The following CCDC171 variants were observed in gnomAD, a reference collection of about 807,000 sequenced individuals.
CCDC171 encodes coiled-coil domain-containing protein 171.
Under a neutral mutation model 168.2 loss-of-function variants are expected in CCDC171, and 177 were observed. That is an observed-to-expected ratio of 1.05 (90% CI 0.93 to 1.19). The LOEUF is 1.19. CCDC171 is among the 50% of genes most tolerant of loss of function. The pLI, the probability that CCDC171 is intolerant of heterozygous loss-of-function variation, is 0.00. For synonymous variants in CCDC171, 687 were observed against 540.8 expected, an observed-to-expected ratio of 1.27 and a Z score of -3.75; for missense variants, 1,991 against 1,539.0, an observed-to-expected ratio of 1.29 and a Z score of -4.91.
chr9:15,925,070 C>T lies in CCDC171; in HGVS notation c.3753+4648C>T, dbSNP rs545210398. Among the ~76,000 whole-genome samples the T allele has an allele frequency of 3.3e-5, 5 of 151,536 alleles. No homozygotes were observed. In the East Asian group the frequency reaches 5.8e-4, roughly 18 times the overall value. Reference sequence around the variant, plus strand: ...CAGTTCTGTTCTTGGAGATATCATACGAACCAAAACAGACAATCCTTGTTC... The same window carrying T: ...CAGTTCTGTTCTTGGAGATATCATATGAACCAAAACAGACAATCCTTGTTC... On this transcript the variant is annotated intron_variant, in intron 25 of 25. Coordinates refer to ENST00000380701, the MANE Select transcript of CCDC171 (RefSeq NM_173550.4).
chr9:15,896,184 C>G (rs899179402), intron 24 of CCDC171, among the ~76,000 whole-genome samples: 2 of 151,944 alleles, frequency 1.3e-5, no homozygotes, highest in Non-Finnish European at 1.5e-5. Flanking sequence ...AGCCTTGATT[C>G]AGTTCTACTT....
chr9:15,726,880 C>G (rs1050755875), intron 14 of CCDC171, among the ~76,000 whole-genome samples: 7 of 152,028 alleles, frequency 4.6e-5, no homozygotes, highest in Admixed American at 2.0e-4. Flanking sequence ...CATTTTGCAG[C>G]TTTACAATTA....
the CCDC171 span, among the ~76,000 whole-genome samples, chr9:16,070,695 G>A: frequency 2.0e-5 from 3 of 152,174 alleles, no homozygotes; most frequent in Non-Finnish European, 2.9e-5. Flanking sequence ...GCCAAGTGCC[G>A]TGGGGCCTCT....
chr9:15,666,365 T>C (rs1204140572), intron 9 of CCDC171, 42 bp downstream of exon 9: 3 of 1,383,386 alleles, frequency 2.2e-6, no homozygotes, highest in Non-Finnish European at 3.0e-6. Flanking sequence ...AACATAAAGA[T>C]TTTAAAAGAG....
At chr9:15,721,918 C>A in intron 12 of CCDC171, 43 bp downstream of exon 12, 1 of 1,049,216 alleles carries the variant, frequency 9.5e-7, no homozygotes, top group Non-Finnish European at 1.3e-6. Context: ...AGCCTTCGGC[C>A]TGTACCAGTA....
intron 18 of CCDC171, among the ~76,000 whole-genome samples, chr9:15,769,689 G>T (rs1036925485): frequency 6.6e-6 from 1 of 152,110 alleles, no homozygotes; most frequent in African/African-American, 2.4e-5. Flanking sequence ...AGTCTCCCCC[G>T]TACCAACGGA....
At chr9:16,092,539 T>G in the CCDC171 span, among the ~76,000 whole-genome samples, 1 of 152,212 alleles carries the variant, frequency 6.6e-6, no homozygotes, top group Admixed American at 6.5e-5. Flanking sequence ...TGCAGACATT[T>G]GCTAACAGAG....
intron 24 of CCDC171, among the ~76,000 whole-genome samples, chr9:15,915,275 A>G (rs1824333006): frequency 6.6e-6 from 1 of 152,116 alleles, no homozygotes; most frequent in Non-Finnish European, 1.5e-5. Flanking sequence ...ATATTTTTCC[A>G]ATTGTTTGTG....
intron 6 of CCDC171, among the ~76,000 whole-genome samples, chr9:15,606,209 A>G (rs996336709): frequency 2.0e-5 from 3 of 152,214 alleles, no homozygotes; most frequent in South Asian, 4.1e-4. Flanking sequence ...GAAAGGGAAG[A>G]TGAAACCGCA....
intron 6 of CCDC171, among the ~76,000 whole-genome samples, chr9:16,030,277 T>C (rs965966743): frequency 3.3e-5 from 5 of 152,162 alleles, no homozygotes; most frequent in African/African-American, 9.7e-5. Context: ...GCAGCAGTAG[T>C]GGTCATCATC....
the CCDC171 span, among the ~76,000 whole-genome samples, chr9:16,088,896 T>G: frequency 6.6e-6 from 1 of 152,096 alleles, no homozygotes; most frequent in Non-Finnish European, 1.5e-5. Flanking sequence ...AGAGCCCGTA[T>G]AGCCAAGACA....
At chr9:15,824,955 A>T (rs1041955421) in intron 21 of CCDC171, among the ~76,000 whole-genome samples, 1 of 152,080 alleles carries the variant, frequency 6.6e-6, no homozygotes, top group Admixed American at 6.6e-5. Context: ...GACTTGGATG[A>T]TGGTGATGCA....
At chr9:15,767,711 A>AT (rs998405993) in intron 18 of CCDC171, among the ~76,000 whole-genome samples, 1 of 151,388 alleles carries the variant, frequency 6.6e-6, no homozygotes, top group African/African-American at 2.4e-5. Context: ...CTTCTTCCAG[A>AT]TTCTTTTGAT....
chr9:15,801,948 T>C (rs1372756805), intron 21 of CCDC171, among the ~76,000 whole-genome samples: 1 of 152,140 alleles, frequency 6.6e-6, no homozygotes, highest in East Asian at 1.9e-4. Flanking sequence ...TGAACCATCC[T>C]TGCATCCCTG....
intron 25 of CCDC171, among the ~76,000 whole-genome samples, chr9:15,950,744 T>G (rs916820702): frequency 2.0e-5 from 3 of 151,604 alleles, no homozygotes; most frequent in African/African-American, 7.3e-5. Context: ...GCTAACATCA[T>G]AATGACAGGA....
At chr9:15,838,507 A>G (rs2060544002) in intron 21 of CCDC171, among the ~76,000 whole-genome samples, 1 of 152,230 alleles carries the variant, frequency 6.6e-6, no homozygotes, top group Admixed American at 6.5e-5. Context: ...GTTGGCAAGT[A>G]TATTTAGCCA....
At chr9:16,062,338 G>T (rs1177678463), downstream of CCDC171, among the ~76,000 whole-genome samples, 1 of 152,212 alleles carries the variant, frequency 6.6e-6, no homozygotes, top group South Asian at 2.1e-4. Context: ...CTCATAAGTG[G>T]GAGCTAAACA....
chr9:15,771,185 G>A (rs1364104748), intron 18 of CCDC171, among the ~76,000 whole-genome samples: 5 of 151,916 alleles, frequency 3.3e-5, no homozygotes, highest in East Asian at 1.9e-4. Flanking sequence ...GTTAATATGC[G>A]TGTATATAAA....
intron 1 of CCDC171, among the ~76,000 whole-genome samples, chr9:16,053,401 C>T (rs918901568): frequency 6.6e-6 from 1 of 152,224 alleles, no homozygotes; most frequent in African/African-American, 2.4e-5. Flanking sequence ...AGGGAAGGGA[C>T]TGGGGGATAC....
Sources: allele counts gnomAD v4.1 joint callset (sites outside exome capture counted in the v4.1 genomes callset), GRCh38; gene constraint gnomAD v4.1.1; transcripts MANE v1.5; gene names NCBI Gene and HGNC (gene_info 2026-07-23, HGNC 2026-07-21).